CTNNA2: variants seen among roughly 807,000 people sequenced by gnomAD.
The protein encoded by CTNNA2 is catenin alpha 2.
Under a neutral mutation model 101.0 loss-of-function variants are expected in CTNNA2, and 42 were observed. The ratio of observed to expected loss-of-function variants is 0.42; its 90% confidence interval spans 0.32 to 0.54. The LOEUF (loss-of-function observed/expected upper bound fraction) is 0.54, where lower values mean the gene tolerates loss of function less well. Among genes scored for constraint, CTNNA2 ranks in the 20% least tolerant of loss-of-function variants. The pLI is 0.14. For synonymous variants in CTNNA2, 450 were observed against 456.4 expected (o/e 0.99, Z 0.18); for missense variants, 871 against 1,223.1 (o/e 0.71, Z 4.29).
chr2:79,829,013 GTGTT>G (rs928567827), intron 3 of CTNNA2, among the ~76,000 whole-genome samples: 1 of 152,110 alleles, frequency 6.6e-6, no homozygotes, highest in Non-Finnish European at 1.5e-5. Flanking sequence ...ACTTATTGAT[GTGTT>G]TAAGTGAAAT....
intron 2 of CTNNA2, among the ~76,000 whole-genome samples, chr2:79,293,442 C>T (rs985020517): frequency 6.6e-6 from 1 of 152,090 alleles, no homozygotes; most frequent in African/African-American, 2.4e-5. Flanking sequence ...AATCATACTA[C>T]AGTCCCTCTC....
At chr2:80,105,083 A>G (rs1350018361) in intron 7 of CTNNA2, among the ~76,000 whole-genome samples, 1 of 152,220 alleles carries the variant, frequency 6.6e-6, no homozygotes, top group African/African-American at 2.4e-5. Context: ...AGCAATTGTA[A>G]TGGGACCGTC....
chr2:79,568,136 G>A (rs1035285053), intron 1 of CTNNA2, among the ~76,000 whole-genome samples: 2 of 152,006 alleles, frequency 1.3e-5, no homozygotes, highest in African/African-American at 4.8e-5. Flanking sequence ...TCTCTCCTTT[G>A]TATCTATTCC....
intron 18 of CTNNA2, among the ~76,000 whole-genome samples, chr2:80,620,323 C>A (rs963029997): frequency 5.1e-5 from 7 of 136,688 alleles, no homozygotes; most frequent in Non-Finnish European, 7.5e-5. Flanking sequence ...GAATTGGTTT[C>A]GGTTTAAAAA....
At chr2:79,914,166 C>CAAAAAAAAAAAAAA (rs55675912) in intron 7 of CTNNA2, among the ~76,000 whole-genome samples, 1 of 90,624 alleles carries the variant, frequency 1.1e-5, no homozygotes, top group Non-Finnish European at 2.2e-5. Context: ...GACTCCGTCT[C>CAAAAAAAAAAAAAA]AAAAAAAAAA....
At chr2:80,266,754 A>G (rs1673032713) in intron 7 of CTNNA2, among the ~76,000 whole-genome samples, 1 of 152,186 alleles carries the variant, frequency 6.6e-6, no homozygotes, top group South Asian at 2.1e-4. Flanking sequence ...ACTGCAAAGT[A>G]TACCGAGGGA....
chr2:79,615,465 G>A (rs1329516541), intron 1 of CTNNA2, among the ~76,000 whole-genome samples: 2 of 152,138 alleles, frequency 1.3e-5, no homozygotes, highest in South Asian at 2.1e-4. Flanking sequence ...TTCATTTACA[G>A]TGGAATATTT....
At chr2:80,402,954 G>T (rs1273143373) in intron 8 of CTNNA2, among the ~76,000 whole-genome samples, 2 of 151,950 alleles carry the variant, frequency 1.3e-5, no homozygotes, top group Non-Finnish European at 2.9e-5. Flanking sequence ...GCCAGGACAA[G>T]GGTAAGGCAA....
At chr2:79,208,512 GTA>G (rs1228438235) in intron 2 of CTNNA2, among the ~76,000 whole-genome samples, 1 of 152,206 alleles carries the variant, frequency 6.6e-6, no homozygotes, top group Non-Finnish European at 1.5e-5. Context: ...ATGCTGGAAA[GTA>G]TACGTACTTG....
At chr2:80,492,980 G>A (rs1687179688) in intron 9 of CTNNA2, among the ~76,000 whole-genome samples, 1 of 152,136 alleles carries the variant, frequency 6.6e-6, no homozygotes, top group African/African-American at 2.4e-5. Context: ...TTGGCTTCTT[G>A]GAGGCAGAGA....
At chr2:80,470,730 T>A (rs897833334) in intron 9 of CTNNA2, among the ~76,000 whole-genome samples, 1 of 152,102 alleles carries the variant, frequency 6.6e-6, no homozygotes, top group East Asian at 1.9e-4. Context: ...ACCTGAGGAA[T>A]AGAGAAAGCA....
intron 3 of CTNNA2, among the ~76,000 whole-genome samples, chr2:79,803,524 G>C (rs1358592076): frequency 6.6e-6 from 1 of 152,264 alleles, no homozygotes; most frequent in Non-Finnish European, 1.5e-5. Flanking sequence ...TTAAGGCACA[G>C]ATCGCTTATG....
At chr2:79,825,688 G>T (rs190723396) in intron 3 of CTNNA2, among the ~76,000 whole-genome samples, 142 of 152,156 alleles carry the variant, frequency 9.3e-4, no homozygotes, top group African/African-American at 3.4e-3. Flanking sequence ...GGCAAGGTAA[G>T]AACTGGAGAT....
chr2:80,463,514 G>C (rs941659266), intron 9 of CTNNA2, among the ~76,000 whole-genome samples: 1 of 152,148 alleles, frequency 6.6e-6, no homozygotes, highest in Admixed American at 6.5e-5. Flanking sequence ...TCTGTGTGGA[G>C]TTATTAGGAT....
intron 18 of CTNNA2, among the ~76,000 whole-genome samples, chr2:80,625,994 A>C (rs965519607): frequency 2.0e-5 from 3 of 152,112 alleles, no homozygotes; most frequent in Admixed American, 1.3e-4. Context: ...CAAAAAGCTG[A>C]ATGAATCAAA....
chr2:80,567,908 A>T (rs1166941574), intron 12 of CTNNA2, among the ~76,000 whole-genome samples: 1 of 152,054 alleles, frequency 6.6e-6, no homozygotes, highest in East Asian at 1.9e-4. Flanking sequence ...AACAGTTACT[A>T]AACTGTTTAT....
chr2:80,172,393 T>A (rs983323561), intron 7 of CTNNA2, among the ~76,000 whole-genome samples: 1 of 152,182 alleles, frequency 6.6e-6, no homozygotes, highest in African/African-American at 2.4e-5. Flanking sequence ...TTTGTTCCTT[T>A]AACCGATACT....
intron 7 of CTNNA2, among the ~76,000 whole-genome samples, chr2:80,075,730 T>A (rs183209608): frequency 0.042 from 2,593 of 61,652 alleles, 193 homozygotes; most frequent in African/African-American, 0.14. Flanking sequence ...ATATTTATAC[T>A]TGTATAAATA....
intron 7 of CTNNA2, among the ~76,000 whole-genome samples, chr2:80,150,528 A>AG (rs1160205353): frequency 6.6e-6 from 1 of 152,192 alleles, no homozygotes; most frequent in Non-Finnish European, 1.5e-5. Flanking sequence ...TGCATTCTTT[A>AG]GGGGATGTAA....
Sources: allele counts gnomAD v4.1 joint callset (sites outside exome capture counted in the v4.1 genomes callset), GRCh38; gene constraint gnomAD v4.1.1; transcripts MANE v1.5; gene names NCBI Gene and HGNC (gene_info 2026-07-23, HGNC 2026-07-21).